Variants in CERKL observed in about 807,000 individuals in gnomAD.
CERKL encodes the protein ceramide kinase-like protein.
In CERKL, 61 loss-of-function variants were observed where a neutral mutation model predicts 63.4. The observed-to-expected ratio is 0.96, with a 90% CI of 0.78 to 1.19. The LOEUF is 1.19. Ranked by LOEUF, CERKL falls within the 50% of genes most tolerant of loss-of-function variation. CERKL has a pLI of 0.00. For missense variants in CERKL, 675 were observed against 655.5 expected (o/e 1.03, Z -0.33); for synonymous variants, 250 against 230.5 (o/e 1.08, Z -0.77).
At position 181,537,964 on chromosome 2, in the gene CERKL, T is replaced by C. The variant is rs1687256296; in HGVS notation, c.*220A>G. On this transcript the variant is annotated 3_prime_UTR_variant, in exon 13 of 13. Coordinates refer to ENST00000410087, the MANE Select transcript of CERKL (RefSeq NM_201548.5). ...TAGAAGTGCGAACCATATGGTGAAC[T>C]GGTATGTGAGGGATCTAGAGTGCCA... 1.5e-6 allele frequency: 1 copy of C among 648,628 alleles called. No homozygotes were observed. The highest frequency in any genetic ancestry group is 2.9e-6 in the Non-Finnish European group (1 of 346,694). The allele number at this position is 648,628 out of a possible 1,614,324, so 40.2% of individuals were successfully genotyped here.
Position 181,656,981 on chromosome 2 carries a change from C to T in CERKL, c.26G>A (p.Arg9Gln), listed in dbSNP as rs1215493264. 3.2e-6 allele frequency: 5 copies of T among 1,581,042 alleles called. No homozygotes were observed. The South Asian group carries it at 3.4e-5, about 11-fold the overall frequency. ...CCGGCCGCCCTCCAGGGCACTCACC[C>T]GGTTCCTGCGCCTCCTCCAGGGCAT... is the stretch of plus-strand genomic sequence containing the variant. MPWRRRRN[R>Q]VSALEGGREE... is the part of the protein sequence containing the mutation. Residue 9 changes from arginine to glutamine, a missense_variant, in exon 1 of 13, where the codon CGG becomes CAG. Physicochemically the swap from Arg to Gln is conservative, Grantham distance 43. Transcript: ENST00000410087.
At chr2:181,569,273 T>C (rs1335728914) in intron 3 of CERKL, among the ~76,000 whole-genome samples, 2 of 152,262 alleles carry the variant, frequency 1.3e-5, no homozygotes, top group African/African-American at 4.8e-5. Flanking sequence ...TCTAGCTAGA[T>C]ATGATGCATG....
intron 1 of CERKL, among the ~76,000 whole-genome samples, chr2:181,614,912 T>A (rs1045646689): frequency 5.3e-5 from 8 of 152,204 alleles, no homozygotes; most frequent in African/African-American, 1.9e-4. Context: ...ATAGAAATCA[T>A]CTATTGACAC....
intron 1 of CERKL, among the ~76,000 whole-genome samples, chr2:181,642,038 A>G (rs1687463411): frequency 6.6e-6 from 1 of 152,242 alleles, no homozygotes; most frequent in Admixed American, 6.5e-5. Flanking sequence ...ATAAGCAGAT[A>G]GTATTTGCAG....
intron 11 of CERKL, among the ~76,000 whole-genome samples, chr2:181,539,891 GA>G (rs1687416148): frequency 2.0e-5 from 3 of 152,168 alleles, no homozygotes; most frequent in African/African-American, 7.2e-5. Context: ...AAACTATACT[GA>G]AAAAGCACTA....
intron 1 of CERKL, among the ~76,000 whole-genome samples, chr2:181,616,164 T>G (rs1290256292): frequency 6.6e-6 from 1 of 151,486 alleles, no homozygotes; most frequent in Non-Finnish European, 1.5e-5. Context: ...GATATTTTCA[T>G]GTGAAGTCTA....
At chr2:181,600,325 A>T (rs1248977771) in intron 2 of CERKL, among the ~76,000 whole-genome samples, 1 of 152,238 alleles carries the variant, frequency 6.6e-6, no homozygotes, top group Non-Finnish European at 1.5e-5. Flanking sequence ...ACTTAACAAT[A>T]CACAAATATC....
intron 2 of CERKL, among the ~76,000 whole-genome samples, chr2:181,585,291 C>A (rs1216574689): frequency 6.6e-5 from 10 of 151,966 alleles, no homozygotes; most frequent in Admixed American, 6.6e-4. Context: ...ACAGTAGGTG[C>A]CCAATAAATA....
chr2:181,631,805 G>C (rs1452732790), intron 1 of CERKL, among the ~76,000 whole-genome samples: 1 of 152,162 alleles, frequency 6.6e-6, no homozygotes, highest in Non-Finnish European at 1.5e-5. Context: ...AATGGGAATA[G>C]AGTTTATTCT....
intron 10 of CERKL, among the ~76,000 whole-genome samples, chr2:181,546,300 A>G (rs1450897006): frequency 2.0e-5 from 3 of 152,194 alleles, no homozygotes; most frequent in African/African-American, 7.2e-5. Context: ...TACCCTCCCA[A>G]GAAGGTCCTT....
intron 3 of CERKL, among the ~76,000 whole-genome samples, chr2:181,570,242 A>G (rs1688847068): frequency 6.6e-6 from 1 of 152,128 alleles, no homozygotes; most frequent in African/African-American, 2.4e-5. Flanking sequence ...CTCTGCCTCT[A>G]GTGTAGGTGG....
intron 1 of CERKL, among the ~76,000 whole-genome samples, chr2:181,625,198 G>A (rs1379089368): frequency 2.6e-5 from 4 of 152,182 alleles, no homozygotes; most frequent in African/African-American, 9.7e-5. Flanking sequence ...AAGGAGCATA[G>A]TGTGACTACT....
chr2:181,548,421 T>C, intron 8 of CERKL, 124 bp downstream of exon 8: 1 of 772,684 alleles, frequency 1.3e-6, no homozygotes, highest in South Asian at 1.6e-5. Flanking sequence ...GAGTCTGTGA[T>C]TCTATATTCT....
At chr2:181,555,752 C>CTT (rs34713780) in intron 5 of CERKL, among the ~76,000 whole-genome samples, 41 of 120,122 alleles carry the variant, frequency 3.4e-4, no homozygotes, top group Admixed American at 5.3e-4. Flanking sequence ...CATTATTAAA[C>CTT]TTTTTTTTTT....
intron 1 of CERKL, among the ~76,000 whole-genome samples, chr2:181,609,797 G>A (rs1685886387): frequency 6.6e-6 from 1 of 152,066 alleles, no homozygotes; most frequent in Non-Finnish European, 1.5e-5. Context: ...TCTAGGAATA[G>A]AGAAATGAAT....
At chr2:181,604,144 G>A in intron 1 of CERKL, 65 bp from the exon 2 acceptor site, 1 of 1,341,482 alleles carries the variant, frequency 7.5e-7, no homozygotes. Flanking sequence ...AACAGACACT[G>A]GGGCTTACCA....
At chr2:181,632,488 A>C (rs1006822080) in intron 1 of CERKL, among the ~76,000 whole-genome samples, 6 of 152,188 alleles carry the variant, frequency 3.9e-5, no homozygotes, top group Non-Finnish European at 7.3e-5. Context: ...CGATGATATA[A>C]TTGACTTATT....
chr2:181,568,824 A>C (rs1688779313), intron 3 of CERKL, among the ~76,000 whole-genome samples: 1 of 144,222 alleles, frequency 6.9e-6, no homozygotes, highest in Admixed American at 6.8e-5. Context: ...TCCCGATGCT[A>C]TCCCTCCCCC....
intron 1 of CERKL, among the ~76,000 whole-genome samples, chr2:181,638,970 A>G (rs558447994): frequency 1.3e-5 from 2 of 152,274 alleles, no homozygotes; most frequent in Admixed American, 1.3e-4. Context: ...AGTTTGTTCA[A>G]AACATAAATT....
Sources: gnomAD v4.1 joint callset for allele counts (sites outside exome capture counted in the v4.1 genomes callset) on GRCh38, gnomAD v4.1.1 for gene constraint, MANE v1.5 for transcripts, NCBI Gene and HGNC (gene_info 2026-07-23, HGNC 2026-07-21) for gene names.